SPATA16: variants seen among roughly 807,000 people sequenced by gnomAD.
The protein encoded by SPATA16 is spermatogenesis associated 16.
SPATA16 carries 36 observed loss-of-function variants against 63.3 expected under a neutral mutation model. That is an observed-to-expected ratio of 0.57 (90% CI 0.44 to 0.75). The LOEUF is 0.75. SPATA16 is among the 30% of genes least tolerant of loss of function. The pLI is 0.00. For synonymous variants in SPATA16, 203 were observed against 216.7 expected (o/e 0.94, Z 0.56); for missense variants, 646 against 679.3 (o/e 0.95, Z 0.54).
In SPATA16 at chr3:173,114,520, G is replaced by A. The variant is rs1231009580; in HGVS notation, c.612+2600C>T. ...GGTTATTTTGGATCATGAAGTCAAG[G>A]CCACTTCTTAGGAAAGGAGATATAA... On this transcript the variant is annotated intron_variant, in intron 2 of 10. Coordinates refer to ENST00000351008, the MANE Select transcript of SPATA16 (RefSeq NM_031955.6). 2.6e-5 allele frequency among the ~76,000 whole-genome samples: 4 copies of A among 152,168 alleles called. No homozygotes were observed. The South Asian group carries it at 8.3e-4, about 32-fold the overall frequency.
rs374316672 is a variant in SPATA16, at chr3:173,117,594, C to A, written c.138G>T (p.Glu46Asp). 5 of 1,613,412 alleles carry A rather than the reference C, an allele frequency of 3.1e-6. No individual in the cohort carries two copies. The African/African-American group carries it at 6.7e-5, about 22-fold the overall frequency. Reference sequence around the variant, plus strand: ...GTTTACCTCCACAGTTTTTCTTAATCTCTTGTGACATTTCCAGGATGTTAG... The same window carrying A: ...GTTTACCTCCACAGTTTTTCTTAATATCTTGTGACATTTCCAGGATGTTAG... Reference protein sequence around the residue: ...HPPNILEMSQEIKKNCGGKQV... With the variant: ...HPPNILEMSQDIKKNCGGKQV... Residue 46 changes from glutamate to aspartate, a missense_variant, in exon 2 of 11, where the codon GAG (glutamate) becomes GAT (aspartate). Glu to Asp is a conservative substitution (Grantham distance 45). Coordinates refer to ENST00000351008, the MANE Select transcript of SPATA16 (RefSeq NM_031955.6).
At chr3:172,917,406 G>C (rs1335787256) in intron 8 of SPATA16, among the ~76,000 whole-genome samples, 1 of 152,182 alleles carries the variant, frequency 6.6e-6, no homozygotes, top group African/African-American at 2.4e-5. Flanking sequence ...GAATTCAAAA[G>C]AGGACTTAGT....
intron 2 of SPATA16, among the ~76,000 whole-genome samples, chr3:173,073,680 T>G (rs1447954869): frequency 6.6e-6 from 1 of 152,218 alleles, no homozygotes. Flanking sequence ...AGGACCCTCA[T>G]GGAGAACCTC....
In SPATA16 at chr3:173,117,450, T is replaced by C; in HGVS notation, c.282A>G (p.Arg94=). Residue 94 remains arginine (R), a synonymous_variant, in exon 2 of 11, where the codon AGA becomes AGG. Transcript: ENST00000351008. ...RKAEGEEKPT[R]KKQAKITELD... ...GTTCTGTTATCTTTGCCTGTTTCTT[T>C]CTAGTTGGCTTTTCTTCACCTTCTG... The C allele has an allele frequency of 1.2e-6, 2 of 1,614,160 alleles. No individual in the cohort carries two copies. Among genetic ancestry groups the C allele is most frequent in the Non-Finnish European group, 1.7e-6 (2 of 1,180,012 alleles).
chr3:173,110,467 TAAAC>T (rs1737722486), intron 2 of SPATA16, among the ~76,000 whole-genome samples: 1 of 152,228 alleles, frequency 6.6e-6, no homozygotes, highest in Admixed American at 6.5e-5. Flanking sequence ...CTATGGATGT[TAAAC>T]AATGTTGGTA....
At chr3:173,097,020 T>C (rs1737375155) in intron 2 of SPATA16, among the ~76,000 whole-genome samples, 1 of 152,172 alleles carries the variant, frequency 6.6e-6, no homozygotes, top group South Asian at 2.1e-4. Context: ...TTACCCATGG[T>C]CAACTGCAGT....
chr3:173,120,950 A>G (rs1738049492), intron 1 of SPATA16, among the ~76,000 whole-genome samples: 1 of 152,208 alleles, frequency 6.6e-6, no homozygotes, highest in Non-Finnish European at 1.5e-5. Context: ...AACAGGGGGA[A>G]AAATTATATA....
At chr3:173,087,819 A>C (rs969474390) in intron 2 of SPATA16, among the ~76,000 whole-genome samples, 8 of 152,154 alleles carry the variant, frequency 5.3e-5, no homozygotes, top group African/African-American at 1.9e-4. Context: ...TGGGATGGAA[A>C]TTCTTTGCTT....
At chr3:173,018,042 G>C (rs1434332290) in intron 4 of SPATA16, among the ~76,000 whole-genome samples, 4 of 152,122 alleles carry the variant, frequency 2.6e-5, no homozygotes, top group Non-Finnish European at 5.9e-5. Context: ...AAAACACATT[G>C]CAGAAATAGT....
chr3:172,922,913 C>T (rs1317046927), intron 8 of SPATA16, among the ~76,000 whole-genome samples: 1 of 152,012 alleles, frequency 6.6e-6, no homozygotes, highest in Non-Finnish European at 1.5e-5. Flanking sequence ...CAGGGTGAGA[C>T]TCTGCCTCAA....
intron 1 of SPATA16, among the ~76,000 whole-genome samples, chr3:173,122,833 C>T (rs1738115785): frequency 6.6e-6 from 1 of 152,126 alleles, no homozygotes; most frequent in Non-Finnish European, 1.5e-5. Context: ...AGAAATGTAT[C>T]ACAATCCTTT....
intron 1 of SPATA16, among the ~76,000 whole-genome samples, chr3:173,128,275 G>T (rs1346257635): frequency 6.6e-6 from 1 of 152,178 alleles, no homozygotes. Context: ...AAAGTAGGCA[G>T]AATAAGGGTG....
At chr3:172,893,255 G>A (rs779983484) in intron 10 of SPATA16, among the ~76,000 whole-genome samples, 4 of 152,174 alleles carry the variant, frequency 2.6e-5, no homozygotes, top group Admixed American at 6.5e-5. Flanking sequence ...GGTCCTTAGG[G>A]TGGGCCCTAA....
intron 3 of SPATA16, among the ~76,000 whole-genome samples, chr3:173,036,157 A>T (rs530180694): frequency 6.6e-6 from 1 of 152,024 alleles, no homozygotes; most frequent in Non-Finnish European, 1.5e-5. Flanking sequence ...GGAACACTAT[A>T]TTTTACTTGG....
At chr3:173,039,402 G>C (rs1432864280) in intron 3 of SPATA16, among the ~76,000 whole-genome samples, 1 of 152,018 alleles carries the variant, frequency 6.6e-6, no homozygotes, top group African/African-American at 2.4e-5. Flanking sequence ...CCTCAGCATG[G>C]GAGCACACCC....
intron 2 of SPATA16, among the ~76,000 whole-genome samples, chr3:173,069,166 T>C (rs544853355): frequency 2.0e-5 from 3 of 146,736 alleles, no homozygotes; most frequent in African/African-American, 5.0e-5. Context: ...ATAAGTGAAA[T>C]TGAGACTAAA....
chr3:173,121,595 A>T (rs1242140856), intron 1 of SPATA16, among the ~76,000 whole-genome samples: 1 of 152,002 alleles, frequency 6.6e-6, no homozygotes, highest in Non-Finnish European at 1.5e-5. Context: ...TTTTTCTTCC[A>T]ATAAATTCCC....
chr3:173,050,051 CCTT>C (rs1736050442), intron 2 of SPATA16, among the ~76,000 whole-genome samples: 1 of 151,992 alleles, frequency 6.6e-6, no homozygotes, highest in Non-Finnish European at 1.5e-5. Flanking sequence ...ATTTATATAT[CCTT>C]CAGTATAAAA....
At chr3:173,119,114 A>T (rs73030990) in intron 1 of SPATA16, among the ~76,000 whole-genome samples, 1 of 151,978 alleles carries the variant, frequency 6.6e-6, no homozygotes, top group Non-Finnish European at 1.5e-5. Context: ...ATGAGAACAC[A>T]TGAACATAGG....
Sources: gnomAD v4.1 joint callset for allele counts (sites outside exome capture counted in the v4.1 genomes callset) on GRCh38, gnomAD v4.1.1 for gene constraint, MANE v1.5 for transcripts, NCBI Gene and HGNC (gene_info 2026-07-23, HGNC 2026-07-21) for gene names.